INTS10: variants seen among roughly 807,000 people sequenced by gnomAD.
INTS10 encodes the protein integrator complex subunit 10, also known as chromosome 8 open reading frame 35.
Under a neutral mutation model 94.4 loss-of-function variants are expected in INTS10, and 44 were observed. That is an observed-to-expected ratio of 0.47 (90% CI 0.37 to 0.60). The LOEUF (loss-of-function observed/expected upper bound fraction) is 0.60, where lower values mean the gene tolerates loss of function less well. INTS10 is among the 20% of genes least tolerant of loss of function. INTS10 has a pLI of 0.00. For synonymous variants in INTS10, 341 were observed against 320.7 expected (o/e 1.06, Z -0.68); for missense variants, 797 against 868.7 (o/e 0.92, Z 1.04).
chr8:19,822,503 G>A lies in INTS10; in HGVS notation c.506G>A (p.Cys169Tyr). The A allele has an allele frequency of 6.2e-7, 1 of 1,606,022 alleles. No homozygotes were observed. Among genetic ancestry groups the A allele is most frequent in the Non-Finnish European group, 8.5e-7 (1 of 1,173,020 alleles). ...GAAGAACAAGAATCTCCAGTGAACT[G>A]CTTTAGAAAATTATTTGGTAAGGAA... ...TIEEQESPVN[C>Y]FRKLFVCDVL... Residue 169 changes from cysteine (C) to tyrosine (Y), a missense_variant, in exon 5 of 17, where the codon TGC becomes TAC. By Grantham distance (194) the Cys-to-Tyr change is radical. Coordinates refer to ENST00000397977, the MANE Select transcript of INTS10 (RefSeq NM_018142.4).
In INTS10 at chr8:19,844,231, C is replaced by T. The variant is rs763191286; in HGVS notation, c.1875C>T (p.Tyr625=). The T allele has an allele frequency of 1.9e-5, 31 of 1,602,718 alleles. No homozygotes were observed. The highest frequency in any genetic ancestry group is 4.5e-5 in the East Asian group (2 of 44,828). The change falls in exon 15 of 17, where the codon TAC becomes TAT. Residue 625 remains tyrosine (Y), a synonymous_variant. Transcript: ENST00000397977. ...GNFQYENFFN[Y]VTNIDMLEEF... is the part of the protein sequence containing the mutation. ...TCCAATATGAGAATTTTTTCAATTACGTTACAAGTATCCTTTTTTCTTGTT... is the reference window on the plus strand; with the variant it reads ...TCCAATATGAGAATTTTTTCAATTATGTTACAAGTATCCTTTTTTCTTGTT...
At chr8:19,831,961 T>G in intron 10 of INTS10, 67 bp from the exon 11 acceptor site, 1 of 901,566 alleles carries the variant, frequency 1.1e-6, no homozygotes. Flanking sequence ...CTTACTGGAT[T>G]TGTTAGTTTG....
intron 16 of INTS10, chr8:19,848,623 C>T (rs922306403): frequency 2.0e-5 from 3 of 152,416 alleles, no homozygotes; most frequent in Non-Finnish European, 4.4e-5. Flanking sequence ...CCCATCTGTT[C>T]TCAATACGTT....
At position 19,851,676 on chromosome 8, in the gene INTS10, C is replaced by T; in HGVS notation, c.2004C>T (p.Thr668=). Residue 668 remains threonine, a synonymous_variant, in exon 17 of 17, where the codon ACC becomes ACT. Transcript: ENST00000397977. This position sits in a 1 kb window ranked among gnomAD's most constrained non-coding sequence, Gnocchi z 5.0. ...IKHHTVTRGI[T]KGVKEDFRLA... is the part of the protein sequence containing the mutation. ...ACCACACTGTAACTCGAGGCATCAC[C>T]AAAGGCGTGAAGGAGGACTTTCGCC... 6.2e-7 allele frequency: 1 copy of T among 1,614,190 alleles called. No individual in the cohort carries two copies. Among genetic ancestry groups the T allele is most frequent in the Non-Finnish European group, 8.5e-7 (1 of 1,180,032 alleles).
intron 12 of INTS10, 56 bp from the exon 13 acceptor site, chr8:19,836,996 T>C: frequency 8.8e-7 from 1 of 1,131,780 alleles, no homozygotes; most frequent in Non-Finnish European, 1.3e-6. Flanking sequence ...GGTACTTTAT[T>C]TGATTTCAGT....
chr8:19,834,691 A>C (rs1350586941), intron 12 of INTS10, among the ~76,000 whole-genome samples: 1 of 152,088 alleles, frequency 6.6e-6, no homozygotes, highest in Non-Finnish European at 1.5e-5. Flanking sequence ...CTGATTCCTG[A>C]CTTCCCATCT....
Position 19,837,178 on chromosome 8 carries a change from A to G in INTS10, c.1639+18A>G, listed in dbSNP as rs775047561. 4 of 1,483,602 alleles carry G rather than the reference A, an allele frequency of 2.7e-6. No homozygotes were observed. In the African/African-American group the frequency reaches 5.5e-5, roughly 21 times the overall value. 91.9% of individuals were successfully genotyped at this position (1,483,602 alleles called of 1,614,324 possible). A position where few individuals can be genotyped will look rare whatever the true frequency, so the allele number is the denominator to read the frequency against. ...TAGAAAAGGTACAGTGACATGTTTT[A>G]TGACTATTTTGTAAAAATAGCTTTA... On this transcript the variant is annotated intron_variant, in intron 13 of 16. Coordinates refer to ENST00000397977, the MANE Select transcript of INTS10 (RefSeq NM_018142.4).
intron 16 of INTS10, among the ~76,000 whole-genome samples, chr8:19,848,396 C>G (rs1400690849): frequency 6.6e-6 from 1 of 152,162 alleles, no homozygotes; most frequent in African/African-American, 2.4e-5. Flanking sequence ...TTATACAGAC[C>G]TTTTGCTCTT....
chr8:19,819,869 A>T (rs2066232016), intron 3 of INTS10, among the ~76,000 whole-genome samples, 193 bp downstream of exon 3: 1 of 152,216 alleles, frequency 6.6e-6, no homozygotes, highest in Admixed American at 6.5e-5. Context: ...AAGGATATGG[A>T]TTTATCAGTG....
Position 19,830,456 on chromosome 8 carries a change from A to G in INTS10, c.1191A>G (p.Val397=). 17 of 1,614,106 alleles carry G rather than the reference A, an allele frequency of 1.1e-5. No individual in the cohort carries two copies. Among genetic ancestry groups the G allele is most frequent in the Non-Finnish European group, 1.4e-5 (17 of 1,179,938 alleles). Reference sequence around the variant, plus strand: ...CGAAAGGAAGAAATCGTCACATTGTAGTCAATAAAGCCGAACTTGCTAACT... The same window carrying G: ...CGAAAGGAAGAAATCGTCACATTGTGGTCAATAAAGCCGAACTTGCTAACT... ...CSAKGRNRHI[V]VNKAELANST... The change falls in exon 10 of 17, where the codon GTA becomes GTG. Residue 397 remains valine, a synonymous_variant. Coordinates refer to ENST00000397977, the MANE Select transcript of INTS10 (RefSeq NM_018142.4).
chr8:19,843,228 A>G lies in INTS10; in HGVS notation c.1719+301A>G, dbSNP rs1262729885. On this transcript the variant is annotated intron_variant, in intron 14 of 16. Coordinates refer to ENST00000397977, the MANE Select transcript of INTS10 (RefSeq NM_018142.4). The surrounding 1 kb of genome is among the most constrained non-coding windows in gnomAD (Gnocchi z 4.7). The stretch of plus-strand genomic sequence containing the variant: ...TTTTATCAATATAAATATATTAGCT[A>G]CAAAGAAAGGGAATACAAATTGCGG... Among the ~76,000 whole-genome samples, 3 of 152,230 alleles carry G rather than the reference A, an allele frequency of 2.0e-5. No individual in the cohort carries two copies. Among genetic ancestry groups the G allele is most frequent in the Non-Finnish European group, 2.9e-5 (2 of 68,044 alleles).
At chr8:19,824,075 A>G (rs759220562) in intron 7 of INTS10, 31 bp downstream of exon 7, 9 of 1,533,436 alleles carry the variant, frequency 5.9e-6, no homozygotes, top group South Asian at 3.7e-5. Context: ...AGAATTGCCT[A>G]TTGATTCTTT....
chr8:19,820,781 T>C (rs935156110), intron 4 of INTS10, among the ~76,000 whole-genome samples: 2 of 152,214 alleles, frequency 1.3e-5, no homozygotes, highest in Non-Finnish European at 2.9e-5. Flanking sequence ...TAAAAAGTAA[T>C]CTTTTTCCGT....
intron 13 of INTS10, among the ~76,000 whole-genome samples, chr8:19,839,492 G>T (rs527566312): frequency 1.3e-5 from 2 of 152,066 alleles, no homozygotes; most frequent in Admixed American, 6.5e-5. Flanking sequence ...TTGAGCCCAG[G>T]AGCCCAAACC....
chr8:19,843,869 G>A lies in INTS10; in HGVS notation c.1720-207G>A, dbSNP rs1239924094. 6.6e-6 allele frequency among the ~76,000 whole-genome samples: 1 copy of A among 152,226 alleles called. No homozygotes were observed. Among genetic ancestry groups the A allele is most frequent in the Non-Finnish European group, 1.5e-5 (1 of 68,050 alleles). ...CAGCAGCTGTGCAGAGGGAGCCTGA[G>A]GCTTCTTTGGTTAGAATCCACCCTC... On this transcript the variant is annotated intron_variant, in intron 14 of 16. Transcript: ENST00000397977. This position sits in a 1 kb window ranked among gnomAD's most constrained non-coding sequence, Gnocchi z 4.7.
chr8:19,826,149 G>A (rs1011164653), intron 8 of INTS10, among the ~76,000 whole-genome samples: 5 of 151,882 alleles, frequency 3.3e-5, no homozygotes, highest in African/African-American at 9.7e-5. Context: ...GCGTGATCTC[G>A]GCTCACTGCA....
At position 19,830,415 on chromosome 8, in the gene INTS10, G is replaced by T. The variant is rs1420083557; in HGVS notation, c.1150G>T (p.Asp384Tyr). Residue 384 changes from aspartate (D) to tyrosine (Y), a missense_variant, in exon 10 of 17, where the codon GAT becomes TAT. Around this residue, in one of 3 missense-constraint regions of INTS10, gnomAD observed 734 missense variants for 787.8 expected, o/e 0.93. Coordinates refer to ENST00000397977, the MANE Select transcript of INTS10 (RefSeq NM_018142.4). ...EGREKTMSSD[D>Y]EDCSAKGRNR... The stretch of plus-strand genomic sequence containing the variant: ...CACATTCTTTAAGCAGAGTTCAGAC[G>T]ATGAAGACTGTTCGGCGAAAGGAAG... 6.2e-7 allele frequency: 1 copy of T among 1,613,616 alleles called. No individual in the cohort carries two copies. The highest frequency in any genetic ancestry group is 1.1e-5 in the South Asian group (1 of 91,016).
intron 13 of INTS10, chr8:19,841,778 T>C: frequency 2.2e-6 from 1 of 454,350 alleles, no homozygotes; most frequent in South Asian, 1.6e-5. Context: ...CGCGTCCTAG[T>C]TGTATACCTT....
intron 8 of INTS10, among the ~76,000 whole-genome samples, chr8:19,825,706 C>T (rs761749783): frequency 7.9e-5 from 12 of 152,062 alleles, no homozygotes; most frequent in Non-Finnish European, 1.5e-4. Context: ...CACAATCCTT[C>T]CAGTATAATA....
Sources: allele counts gnomAD v4.1 joint callset (sites outside exome capture counted in the v4.1 genomes callset), GRCh38; gene constraint gnomAD v4.1.1; regional missense constraint gnomAD v4.1.1; non-coding constraint Gnocchi (gnomAD v3.1); transcripts MANE v1.5; gene names NCBI Gene and HGNC (gene_info 2026-07-23, HGNC 2026-07-21).